The following OR2L13 variants were observed in gnomAD, a reference collection of about 807,000 sequenced individuals.
OR2L13 encodes the protein olfactory receptor 2L13.
OR2L13 carries 14 observed loss-of-function variants against 15.3 expected under a neutral mutation model. The ratio of observed to expected loss-of-function variants is 0.91; its 90% confidence interval spans 0.60 to 1.43. OR2L13 has a LOEUF of 1.43. OR2L13 is among the 40% of genes most tolerant of loss of function. The pLI is 0.00. For synonymous variants in OR2L13, 152 were observed against 142.9 expected, an observed-to-expected ratio of 1.06 and a Z score of -0.45; for missense variants, 367 against 387.9, an observed-to-expected ratio of 0.95 and a Z score of 0.45.
chr1:248,017,816 G>A, the OR2L13 span, among the ~76,000 whole-genome samples: 3 of 152,206 alleles, frequency 2.0e-5, no homozygotes, highest in African/African-American at 4.8e-5. Context: ...AGAACTTCTA[G>A]GTAAACACAA....
At chr1:247,965,540 TC>T in the OR2L13 span, 12 of 1,612,508 alleles carry the variant, frequency 7.4e-6, no homozygotes, top group Non-Finnish European at 1.0e-5. Context: ...AACACCAGAC[TC>T]CACACTCCAA....
chr1:248,000,121 T>TGG, the OR2L13 span, among the ~76,000 whole-genome samples: 130 of 150,614 alleles, frequency 8.6e-4, no homozygotes, highest in East Asian at 0.012. Flanking sequence ...TTTTTTTTTT[T>TGG]TGGTGTGTGT....
chr1:248,086,184 C>T, the OR2L13 span, among the ~76,000 whole-genome samples: 1 of 152,082 alleles, frequency 6.6e-6, no homozygotes, highest in East Asian at 1.9e-4. Flanking sequence ...AAAATCACAG[C>T]ATAAAATATT....
the OR2L13 span, among the ~76,000 whole-genome samples, chr1:247,954,280 T>A: frequency 1.3e-5 from 2 of 152,184 alleles, no homozygotes; most frequent in East Asian, 3.9e-4. Context: ...AGACAATGAC[T>A]TTTAAAGGCT....
the OR2L13 span, among the ~76,000 whole-genome samples, chr1:247,973,451 T>A: frequency 6.6e-6 from 1 of 152,156 alleles, no homozygotes; most frequent in Non-Finnish European, 1.5e-5. Context: ...AAAATCAATG[T>A]GCAAAAATCA....
the OR2L13 span, among the ~76,000 whole-genome samples, chr1:247,962,677 T>A: frequency 0.038 from 5,719 of 152,292 alleles, 122 homozygotes; most frequent in African/African-American, 0.06. Flanking sequence ...TTTGGCCTCC[T>A]AATAAACTGC....
chr1:247,971,101 C>T, the OR2L13 span, among the ~76,000 whole-genome samples: 1 of 152,028 alleles, frequency 6.6e-6, no homozygotes, highest in Non-Finnish European at 1.5e-5. Context: ...ATATTTATTT[C>T]TATATCAACT....
chr1:247,976,023 T>A, the OR2L13 span, among the ~76,000 whole-genome samples: 5 of 152,186 alleles, frequency 3.3e-5, no homozygotes, highest in African/African-American at 1.2e-4. Flanking sequence ...GATTACTGAA[T>A]CTAATTGAAT....
the OR2L13 span, among the ~76,000 whole-genome samples, chr1:248,072,399 T>C: frequency 6.6e-6 from 1 of 152,222 alleles, no homozygotes; most frequent in African/African-American, 2.4e-5. Context: ...ATTTAATAAA[T>C]GGTGCTGGGA....
At chr1:247,955,585 T>C in the OR2L13 span, among the ~76,000 whole-genome samples, 2 of 151,504 alleles carry the variant, frequency 1.3e-5, no homozygotes, top group Non-Finnish European at 2.9e-5. Flanking sequence ...AGTGTTCCTA[T>C]TTCTCCACAT....
the OR2L13 span, among the ~76,000 whole-genome samples, chr1:247,963,850 A>G: frequency 6.6e-6 from 1 of 152,124 alleles, no homozygotes; most frequent in Non-Finnish European, 1.5e-5. Context: ...ACTATTCTGC[A>G]TCTTACTTTT....
the OR2L13 span, among the ~76,000 whole-genome samples, chr1:247,978,298 T>G: frequency 6.6e-6 from 1 of 152,122 alleles, no homozygotes; most frequent in Non-Finnish European, 1.5e-5. Flanking sequence ...CCCACTGTTT[T>G]GATGTTTTGG....
At chr1:247,937,717 C>T in the OR2L13 span, among the ~76,000 whole-genome samples, 15 of 152,388 alleles carry the variant, frequency 9.8e-5, no homozygotes, top group African/African-American at 3.4e-4. Flanking sequence ...CGCTGGGACC[C>T]ACTCCCCTGA....
chr1:248,078,257 T>C, the OR2L13 span, among the ~76,000 whole-genome samples: 1,863 of 151,814 alleles, frequency 0.012, 47 homozygotes, highest in African/African-American at 0.043. Context: ...CTGAGGCGGG[T>C]GGATCACGAG....
At chr1:248,060,443 A>G in the OR2L13 span, among the ~76,000 whole-genome samples, 2 of 152,202 alleles carry the variant, frequency 1.3e-5, no homozygotes, top group African/African-American at 4.8e-5. Flanking sequence ...AGTATACTGT[A>G]TATTCATTCT....
the OR2L13 span, among the ~76,000 whole-genome samples, chr1:247,978,758 C>G: frequency 6.6e-6 from 1 of 151,904 alleles, no homozygotes; most frequent in African/African-American, 2.4e-5. Context: ...TTTCAGGATC[C>G]CCTCCTCCTC....
chr1:248,005,665 C>G, the OR2L13 span, among the ~76,000 whole-genome samples: 1 of 152,152 alleles, frequency 6.6e-6, no homozygotes, highest in Admixed American at 6.5e-5. Flanking sequence ...AATCCATGAG[C>G]ATTGGATGTT....
At chr1:248,015,080 G>A in the OR2L13 span, among the ~76,000 whole-genome samples, 1 of 152,114 alleles carries the variant, frequency 6.6e-6, no homozygotes, top group Non-Finnish European at 1.5e-5. Context: ...ATGGTAGGTT[G>A]TGACTTGGAA....
the OR2L13 span, among the ~76,000 whole-genome samples, chr1:248,017,781 T>C: frequency 6.6e-5 from 10 of 152,280 alleles, no homozygotes; most frequent in Non-Finnish European, 1.2e-4. Flanking sequence ...TGGGGTTGCC[T>C]GATTTGCTTC....
Sources: gnomAD v4.1 joint callset for allele counts (sites outside exome capture counted in the v4.1 genomes callset) on GRCh38, gnomAD v4.1.1 for gene constraint, MANE v1.5 for transcripts, NCBI Gene and HGNC (gene_info 2026-07-23, HGNC 2026-07-21) for gene names.